Variants in SLC6A11 observed in about 807,000 individuals in gnomAD.
SLC6A11 encodes sodium- and chloride-dependent GABA transporter 3.
In SLC6A11, 25 loss-of-function variants were observed where a neutral mutation model predicts 74.8. That is an observed-to-expected ratio of 0.33 (90% CI 0.24 to 0.47). The LOEUF (loss-of-function observed/expected upper bound fraction) is 0.47. SLC6A11 is among the 20% of genes least tolerant of loss of function. SLC6A11 has a pLI of 1.00. For synonymous variants in SLC6A11, 330 were observed against 330.2 expected (o/e 1.00, Z 0.01); for missense variants, 574 against 837.0 (o/e 0.69, Z 3.88).
chr3:10,842,614 C>A (rs776248172), intron 4 of SLC6A11, among the ~76,000 whole-genome samples: 2 of 152,212 alleles, frequency 1.3e-5, no homozygotes, highest in Non-Finnish European at 2.9e-5. Flanking sequence ...TCATAAATAA[C>A]TTGGACCTTT....
Position 10,938,621 on chromosome 3 carries a change from T to C in SLC6A11, c.*219T>C. ...AGTAACCACTACAAAGAGATAACACTGTACGGGGACTGCCAGATCTTCTGT... is the reference window on the plus strand; with the variant it reads ...AGTAACCACTACAAAGAGATAACACCGTACGGGGACTGCCAGATCTTCTGT... On this transcript the variant is annotated 3_prime_UTR_variant, in exon 14 of 14. Transcript: ENST00000254488. 1 of 425,712 alleles carries C rather than the reference T, an allele frequency of 2.3e-6. No individual in the cohort carries two copies. 26.4% of individuals were successfully genotyped at this position (425,712 alleles called of 1,614,324 possible).
chr3:10,849,083 AT>A (rs1330428583), intron 5 of SLC6A11, among the ~76,000 whole-genome samples: 1 of 152,206 alleles, frequency 6.6e-6, no homozygotes, highest in African/African-American at 2.4e-5. Flanking sequence ...CCCCGTTCCA[AT>A]AAAATAGCTG....
intron 8 of SLC6A11, among the ~76,000 whole-genome samples, chr3:10,920,858 C>T: frequency 6.6e-6 from 1 of 152,226 alleles, no homozygotes; most frequent in East Asian, 1.9e-4. Context: ...GGAAAACCTG[C>T]TCTGTGCCTC....
rs759920631 is a variant in SLC6A11 at position 10,918,501 on chromosome 3, G to T, written c.1120+48G>T. 6.4e-7 allele frequency: 1 copy of T among 1,569,120 alleles called. No individual in the cohort carries two copies. The highest frequency in any genetic ancestry group is 8.6e-7 in the Non-Finnish European group (1 of 1,162,346). On this transcript the variant is annotated intron_variant, in intron 8 of 13. Transcript: ENST00000254488. This position sits in a 1 kb window ranked among gnomAD's most constrained non-coding sequence, Gnocchi z 4.5. ...TGGAAAAGGCGGCAAGGGAGGCCAG[G>T]AGTGATGGTCATCATGGAAATGCGA...
At chr3:10,893,050 G>A (rs925508523) in intron 6 of SLC6A11, among the ~76,000 whole-genome samples, 1 of 152,198 alleles carries the variant, frequency 6.6e-6, no homozygotes, top group Non-Finnish European at 1.5e-5. Flanking sequence ...TGCTCATTAA[G>A]TGCATATTGT....
chr3:10,931,534 G>A (rs1695687062), intron 10 of SLC6A11, among the ~76,000 whole-genome samples: 1 of 152,160 alleles, frequency 6.6e-6, no homozygotes, highest in African/African-American at 2.4e-5. Context: ...GCCAGGCATG[G>A]CCCGCTGAGA....
At chr3:10,838,365 G>A (rs1178903631) in intron 4 of SLC6A11, among the ~76,000 whole-genome samples, 2 of 152,238 alleles carry the variant, frequency 1.3e-5, no homozygotes, top group African/African-American at 4.8e-5. Flanking sequence ...CACAGGAGAA[G>A]GCCTGAGTGA....
chr3:10,938,321 G>A lies in SLC6A11; in HGVS notation c.1818G>A (p.Met606Ile). ...GCAAGCTTGGGGTGAGCCCACGGAT[G>A]GTGACAGTTAATGACTGTGATGCCA... is the stretch of plus-strand genomic sequence containing the variant. ...MRGKLGVSPR[M>I]VTVNDCDAKL... The change falls in exon 14 of 14, where the codon ATG becomes ATA. Residue 606 changes from methionine (M) to isoleucine (I), a missense_variant. Met to Ile is a conservative substitution (Grantham distance 10). Transcript: ENST00000254488. The A allele has an allele frequency of 1.2e-6, 2 of 1,613,388 alleles. No homozygotes were observed. Among genetic ancestry groups the A allele is most frequent in the South Asian group, 1.1e-5 (1 of 90,982 alleles).
intron 6 of SLC6A11, among the ~76,000 whole-genome samples, chr3:10,909,630 A>T (rs1575698738): frequency 6.6e-6 from 1 of 152,214 alleles, no homozygotes; most frequent in Non-Finnish European, 1.5e-5. Flanking sequence ...TTGTGGCACC[A>T]TTAACAAGTG....
At chr3:10,820,933 G>A (rs897430437) in intron 3 of SLC6A11, among the ~76,000 whole-genome samples, 8 of 152,280 alleles carry the variant, frequency 5.3e-5, no homozygotes, top group Non-Finnish European at 1.2e-4. Context: ...CAGTAAGATC[G>A]GGTAGGATGT....
chr3:10,909,355 G>T (rs542441716), intron 6 of SLC6A11, among the ~76,000 whole-genome samples: 13 of 152,128 alleles, frequency 8.5e-5, no homozygotes, highest in African/African-American at 3.1e-4. Flanking sequence ...GCGTTGATGT[G>T]CCCAAAGAGC....
At chr3:10,899,954 C>T (rs919796041) in intron 6 of SLC6A11, among the ~76,000 whole-genome samples, 5 of 152,200 alleles carry the variant, frequency 3.3e-5, no homozygotes, top group African/African-American at 1.2e-4. Flanking sequence ...TTCTCTCTTG[C>T]AGGTTTCTGC....
intron 11 of SLC6A11, 120 bp from the exon 12 acceptor site, chr3:10,933,946 A>G (rs1444206570): frequency 1.5e-6 from 1 of 674,094 alleles, no homozygotes. Context: ...CAGTACAAAG[A>G]TTCCTGCAGC....
chr3:10,881,947 G>A (rs761646540), intron 6 of SLC6A11, among the ~76,000 whole-genome samples: 6 of 152,292 alleles, frequency 3.9e-5, no homozygotes, highest in East Asian at 1.9e-4. Context: ...GACACAGGGC[G>A]TCTGACTGGT....
At chr3:10,845,129 A>C (rs918297825) in intron 5 of SLC6A11, among the ~76,000 whole-genome samples, 2 of 152,216 alleles carry the variant, frequency 1.3e-5, no homozygotes, top group African/African-American at 2.4e-5. Context: ...GGAGAGGGGA[A>C]GAATTCGTTG....
chr3:10,828,353 G>A (rs1235785827), intron 4 of SLC6A11, among the ~76,000 whole-genome samples: 1 of 152,214 alleles, frequency 6.6e-6, no homozygotes, highest in African/African-American at 2.4e-5. Context: ...TATTCAGAAG[G>A]ATGAGGCCTT....
intron 5 of SLC6A11, among the ~76,000 whole-genome samples, chr3:10,864,418 G>A (rs756375991): frequency 4.0e-5 from 6 of 151,750 alleles, no homozygotes; most frequent in African/African-American, 7.3e-5. Flanking sequence ...TGAGCCCCTA[G>A]CAACCATGTA....
At chr3:10,913,629 T>C (rs537343346) in intron 7 of SLC6A11, among the ~76,000 whole-genome samples, 1 of 152,314 alleles carries the variant, frequency 6.6e-6, no homozygotes, top group South Asian at 2.1e-4. Context: ...CCACAATATA[T>C]AAAGAATACA....
At chr3:10,876,746 C>G (rs867827848) in intron 6 of SLC6A11, among the ~76,000 whole-genome samples, 1 of 66,458 alleles carries the variant, frequency 1.5e-5, no homozygotes, top group East Asian at 5.6e-4. Flanking sequence ...CGCCCCCCCC[C>G]CCCCGCCCCA....
Sources: gnomAD v4.1 joint callset for allele counts (sites outside exome capture counted in the v4.1 genomes callset) on GRCh38, gnomAD v4.1.1 for gene constraint, Gnocchi (gnomAD v3.1) non-coding constraint, MANE v1.5 for transcripts, NCBI Gene and HGNC (gene_info 2026-07-23, HGNC 2026-07-21) for gene names.